Variants in ZNF407 observed in about 807,000 individuals in gnomAD.
ZNF407 encodes zinc finger protein 407.
Under a neutral mutation model 131.2 loss-of-function variants are expected in ZNF407, and 17 were observed. That is an observed-to-expected ratio of 0.13 (90% CI 0.09 to 0.19). The LOEUF (loss-of-function observed/expected upper bound fraction) is 0.19, where lower values mean the gene tolerates loss of function less well. ZNF407 is among the 10% of genes least tolerant of loss of function. The pLI is 1.00. For synonymous variants in ZNF407, 1,156 were observed against 1,062.0 expected, an observed-to-expected ratio of 1.09 and a Z score of -1.72; for missense variants, 2,681 against 2,830.6, an observed-to-expected ratio of 0.95 and a Z score of 1.20.
chr18:75,022,849 T>C (rs1392348376), intron 8 of ZNF407, among the ~76,000 whole-genome samples: 2 of 152,096 alleles, frequency 1.3e-5, no homozygotes, highest in African/African-American at 4.8e-5. Context: ...CCAAAGAATA[T>C]AAATTGTTCT....
intron 1 of ZNF407, among the ~76,000 whole-genome samples, chr18:74,602,399 AATC>A (rs1242566977): frequency 6.6e-6 from 1 of 152,234 alleles, no homozygotes; most frequent in Non-Finnish European, 1.5e-5. Flanking sequence ...CAGATATAAT[AATC>A]CTGGTTTAAC....
intron 1 of ZNF407, among the ~76,000 whole-genome samples, chr18:74,615,630 A>C (rs1374750710): frequency 1.3e-5 from 2 of 152,256 alleles, no homozygotes; most frequent in Non-Finnish European, 2.9e-5. Flanking sequence ...ATGGCAGATT[A>C]TGGATTTGAA....
chr18:74,798,256 C>T (rs1227402623), intron 4 of ZNF407, among the ~76,000 whole-genome samples: 1 of 140,534 alleles, frequency 7.1e-6, no homozygotes, highest in Non-Finnish European at 1.6e-5. Flanking sequence ...TGAAGCTTTA[C>T]CTTTTCTAAT....
chr18:74,884,485 GTCTGAGCCTTGCTT>G (rs910241553), intron 6 of ZNF407, among the ~76,000 whole-genome samples: 5 of 152,140 alleles, frequency 3.3e-5, no homozygotes, highest in Non-Finnish European at 7.3e-5. Flanking sequence ...GAGCTCAGAT[GTCTGAGCCTTGCTT>G]AGCATAGGAT....
intron 4 of ZNF407, among the ~76,000 whole-genome samples, chr18:74,794,479 T>C (rs1255827880): frequency 1.3e-5 from 2 of 152,154 alleles, no homozygotes; most frequent in African/African-American, 4.8e-5. Flanking sequence ...CTGTTGGGCT[T>C]TTTAAAGGTC....
chr18:75,022,551 A>C (rs1400635316), intron 8 of ZNF407, among the ~76,000 whole-genome samples: 2 of 152,170 alleles, frequency 1.3e-5, no homozygotes, highest in African/African-American at 4.8e-5. Flanking sequence ...AGAGTGTACC[A>C]CCTAAGACTA....
rs200073035 is a variant in ZNF407 at position 74,734,671 on chromosome 18, T to TTGTGTGTGTGTG, written c.4803-46729_4803-46718dup. On this transcript the variant is annotated intron_variant, in intron 3 of 8. Transcript: ENST00000299687. ...AAATTATACCATTTTGAGTTTCAAT[T>TTGTGTGTGTGTG]TGTGTGTGTGTGTGTGTGTGTGTGT... Among the ~76,000 whole-genome samples the TTGTGTGTGTGTG allele has an allele frequency of 1.1e-3, 151 of 138,968 alleles. 1 individual carries two copies. Among genetic ancestry groups the TTGTGTGTGTGTG allele is most frequent in the African/African-American group, 3.9e-3 (140 of 36,154 alleles). 91.2% of individuals were successfully genotyped at this position (138,968 alleles called of 152,430 possible).
At chr18:74,978,205 T>C (rs1387989157) in intron 8 of ZNF407, among the ~76,000 whole-genome samples, 2 of 152,142 alleles carry the variant, frequency 1.3e-5, no homozygotes, top group African/African-American at 4.8e-5. Flanking sequence ...TGACCAAAGA[T>C]TTGGATGCGA....
At chr18:74,784,561 G>C (rs1473627962) in intron 4 of ZNF407, among the ~76,000 whole-genome samples, 5 of 152,086 alleles carry the variant, frequency 3.3e-5, no homozygotes, top group Non-Finnish European at 4.4e-5. Context: ...ATACTTTTTT[G>C]TTCCTACATC....
intron 4 of ZNF407, among the ~76,000 whole-genome samples, chr18:74,850,931 GA>G (rs1210758147): frequency 1.3e-5 from 2 of 152,124 alleles, no homozygotes; most frequent in Non-Finnish European, 2.9e-5. Context: ...TCTCAATAAA[GA>G]TTTCTTAAAT....
chr18:74,626,772 C>A (rs1983804584), intron 1 of ZNF407, among the ~76,000 whole-genome samples: 1 of 152,184 alleles, frequency 6.6e-6, no homozygotes, highest in Admixed American at 6.5e-5. Flanking sequence ...ACCTCCCTTC[C>A]CCCACAGAGC....
intron 7 of ZNF407, among the ~76,000 whole-genome samples, chr18:74,891,573 A>G (rs1276445389): frequency 6.6e-6 from 1 of 152,214 alleles, no homozygotes; most frequent in Non-Finnish European, 1.5e-5. Context: ...TCATTCATTT[A>G]ACATTTTATG....
chr18:74,685,008 TG>T (rs757626204), intron 3 of ZNF407, among the ~76,000 whole-genome samples: 2 of 152,230 alleles, frequency 1.3e-5, no homozygotes, highest in Admixed American at 1.3e-4. Flanking sequence ...TTAGAGACAG[TG>T]TGGCACTCAT....
chr18:74,648,103 G>A (rs1351119397), intron 3 of ZNF407, among the ~76,000 whole-genome samples: 2 of 152,086 alleles, frequency 1.3e-5, no homozygotes, highest in Non-Finnish European at 1.5e-5. Flanking sequence ...TAGTCTTTAG[G>A]GTTAAAAAGG....
At position 74,773,592 on chromosome 18, in the gene ZNF407, C is replaced by T. The variant is rs1262129715; in HGVS notation, c.4803-7836C>T. The stretch of plus-strand genomic sequence containing the variant: ...AACACCTTTACACTAAAGTTTTATG[C>T]GAATAATTGTTTGAATAGAATGCTG... On this transcript the variant is annotated intron_variant, in intron 3 of 8. Coordinates refer to ENST00000299687, the MANE Select transcript of ZNF407 (RefSeq NM_017757.3). Among the ~76,000 whole-genome samples the T allele has an allele frequency of 4.6e-5, 7 of 152,234 alleles. 1 individual carries two copies. Among genetic ancestry groups the T allele is most frequent in the South Asian group, 4.1e-4 (2 of 4,828 alleles).
intron 4 of ZNF407, among the ~76,000 whole-genome samples, chr18:74,805,718 G>C (rs191328212): frequency 6.6e-6 from 1 of 152,074 alleles, no homozygotes; most frequent in African/African-American, 2.4e-5. Flanking sequence ...TCTGTTAAAG[G>C]GTCTCCACCT....
In ZNF407 at chr18:74,951,634, A is replaced by T. The variant is rs116640197; in HGVS notation, c.5428+30942A>T. Among the ~76,000 whole-genome samples the T allele has an allele frequency of 1.3e-3, 196 of 152,186 alleles. 1 individual carries two copies. The highest frequency in any genetic ancestry group is 4.4e-3 in the African/African-American group (183 of 41,528). On this transcript the variant is annotated intron_variant, in intron 8 of 8. Coordinates refer to ENST00000299687, the MANE Select transcript of ZNF407 (RefSeq NM_017757.3). ...TTAAACATGGCATTTTTATTTCAAA[A>T]TTATTTTATTTCCTCTGTTGTTGAG...
intron 4 of ZNF407, among the ~76,000 whole-genome samples, chr18:74,794,599 G>T (rs1260033102): frequency 6.6e-6 from 1 of 152,060 alleles, no homozygotes; most frequent in Non-Finnish European, 1.5e-5. Flanking sequence ...GATTTTAAGA[G>T]AATCTTTACA....
At chr18:74,804,043 C>G in intron 4 of ZNF407, 1 of 1,551,590 alleles carries the variant, frequency 6.4e-7, no homozygotes, top group Non-Finnish European at 8.7e-7. Context: ...CTCTGAAGCC[C>G]AAAGTCTTTG....
Sources: allele counts gnomAD v4.1 joint callset (sites outside exome capture counted in the v4.1 genomes callset), GRCh38; gene constraint gnomAD v4.1.1; transcripts MANE v1.5; gene names NCBI Gene and HGNC (gene_info 2026-07-23, HGNC 2026-07-21).